The following CWF19L2 variants were observed in gnomAD, a reference collection of about 807,000 sequenced individuals.
The protein encoded by CWF19L2 is CWF19 like cell cycle control factor 2.
In CWF19L2, 98 loss-of-function variants were observed where a neutral mutation model predicts 111.7. The ratio of observed to expected loss-of-function variants is 0.88; its 90% CI spans 0.75 to 1.04. The LOEUF (loss-of-function observed/expected upper bound fraction) is 1.04. Among genes scored for constraint, CWF19L2 ranks in the 50% least tolerant of loss-of-function variants. The pLI is 0.00. For synonymous variants in CWF19L2, 351 were observed against 342.9 expected (o/e 1.02, Z -0.26); for missense variants, 1,101 against 1,051.4 (o/e 1.05, Z -0.65).
intron 10 of CWF19L2, among the ~76,000 whole-genome samples, chr11:107,413,170 T>G (rs1333472660): frequency 6.6e-6 from 1 of 152,100 alleles, no homozygotes; most frequent in Non-Finnish European, 1.5e-5. Context: ...TTGTAACAAA[T>G]GTACTCCTCT....
At chr11:107,406,712 A>G (rs1316644665) in intron 10 of CWF19L2, among the ~76,000 whole-genome samples, 1 of 149,468 alleles carries the variant, frequency 6.7e-6, no homozygotes, top group South Asian at 2.1e-4. Context: ...TGGCCTTCTT[A>G]GAGGCTATTA....
intron 13 of CWF19L2, among the ~76,000 whole-genome samples, chr11:107,352,781 C>G (rs1860175220): frequency 6.6e-6 from 1 of 152,108 alleles, no homozygotes; most frequent in Non-Finnish European, 1.5e-5. Context: ...ATATTAAAGA[C>G]TAGGGGTATG....
At position 107,454,442 on chromosome 11, in the gene CWF19L2, ATACT is replaced by A. The variant is rs1484473790; in HGVS notation, c.339+4_339+7del. 5 of 1,403,634 alleles carry A rather than the reference ATACT, an allele frequency of 3.6e-6. No homozygotes were observed. Among genetic ancestry groups the A allele is most frequent in the African/African-American group, 3.0e-5 (2 of 67,382 alleles). 86.9% of individuals were successfully genotyped at this position (1,403,634 alleles called of 1,614,324 possible). ...TAGCTGCTTTGATTAATTTTAGTAC[ATACT>A]TACTGATGAGCTATCAGATGACTCA... On this transcript the variant is annotated splice_donor_5th_base_variant and intron_variant, in intron 3 of 17. Coordinates refer to ENST00000282251, the MANE Select transcript of CWF19L2 (RefSeq NM_152434.3).
intron 10 of CWF19L2, among the ~76,000 whole-genome samples, chr11:107,410,845 AAGAT>A (rs1861146331): frequency 6.6e-6 from 1 of 152,168 alleles, no homozygotes; most frequent in African/African-American, 2.4e-5. Flanking sequence ...TTGCTTGCCT[AAGAT>A]ACTTTGAAAA....
At chr11:107,380,003 T>C (rs1211222887) in intron 12 of CWF19L2, among the ~76,000 whole-genome samples, 1 of 117,332 alleles carries the variant, frequency 8.5e-6, no homozygotes, top group East Asian at 2.9e-4. Flanking sequence ...GCTGAGATCG[T>C]ACCACTGCCC....
intron 12 of CWF19L2, among the ~76,000 whole-genome samples, 200 bp downstream of exon 12, chr11:107,389,874 A>T (rs1223104183): frequency 2.6e-5 from 4 of 152,240 alleles, no homozygotes; most frequent in Non-Finnish European, 4.4e-5. Context: ...GTCTATATTT[A>T]AAAACAAACA....
At chr11:107,345,947 A>T (rs543926858) in intron 14 of CWF19L2, among the ~76,000 whole-genome samples, 6 of 152,256 alleles carry the variant, frequency 3.9e-5, no homozygotes, top group African/African-American at 1.4e-4. Flanking sequence ...CTAGTAAAAA[A>T]ACACTTCATT....
chr11:107,436,159 G>A (rs11822475), intron 6 of CWF19L2, among the ~76,000 whole-genome samples: 5,403 of 129,050 alleles, frequency 0.042, 316 homozygotes, highest in African/African-American at 0.14. Flanking sequence ...CACGCCCCCC[G>A]ACCCAAAAAA....
chr11:107,427,446 A>G (rs1861394584), intron 8 of CWF19L2, among the ~76,000 whole-genome samples: 1 of 152,090 alleles, frequency 6.6e-6, no homozygotes, highest in Non-Finnish European at 1.5e-5. Flanking sequence ...CACAGCTTTT[A>G]GTGAGTGCCT....
At chr11:107,450,009 C>A (rs1311608936) in intron 3 of CWF19L2, among the ~76,000 whole-genome samples, 1 of 150,802 alleles carries the variant, frequency 6.6e-6, no homozygotes, top group African/African-American at 2.4e-5. Context: ...GATTAGAGAG[C>A]ACAAAAAACA....
intron 10 of CWF19L2, chr11:107,403,261 A>C (rs551984520): frequency 5.2e-6 from 2 of 383,520 alleles, no homozygotes; most frequent in South Asian, 3.2e-5. Flanking sequence ...ATTAAAAAAA[A>C]CTGTATTTAT....
chr11:107,441,449 G>A (rs11212239), intron 5 of CWF19L2, 54 bp downstream of exon 5: 48,947 of 1,404,096 alleles, frequency 0.035, 1,155 homozygotes, highest in East Asian at 0.14. Flanking sequence ...TAAATGTCTT[G>A]TAAGTTTATT....
rs1859771098 is a variant in CWF19L2 at position 107,326,992 on chromosome 11, C to A, written c.2603G>T (p.Ser868Ile). The A allele has an allele frequency of 6.2e-7, 1 of 1,612,284 alleles. No homozygotes were observed. Among genetic ancestry groups the A allele is most frequent in the East Asian group, 2.2e-5 (1 of 44,742 alleles). ...PRLWRKGIRE[S>I]FEDQRKKALQ... ...TGCTTTTTTCCTCTGATCCTCAAAG[C>A]TTTCTCGGATGCCTTTCCTCCAAAG... The change falls in exon 18 of 18, where the codon AGC becomes ATC. Residue 868 changes from serine to isoleucine, a missense_variant. Coordinates refer to ENST00000282251, the MANE Select transcript of CWF19L2 (RefSeq NM_152434.3).
At position 107,428,747 on chromosome 11, in the gene CWF19L2, T is replaced by C. The variant is rs1427420650; in HGVS notation, c.1433+52A>G. Reference sequence around the variant, plus strand: ...CTGATGTTCTAAAAATACAGTTCTGTTCTTTGAACTCTCTGGATCTTAACT... The same window carrying C: ...CTGATGTTCTAAAAATACAGTTCTGCTCTTTGAACTCTCTGGATCTTAACT... On this transcript the variant is annotated intron_variant, in intron 8 of 17. Coordinates refer to ENST00000282251, the MANE Select transcript of CWF19L2 (RefSeq NM_152434.3). The C allele has an allele frequency of 2.2e-6, 3 of 1,375,710 alleles. No homozygotes were observed. In the East Asian group the frequency reaches 6.9e-5, roughly 32 times the overall value. 85.2% of individuals were successfully genotyped at this position (1,375,710 alleles called of 1,614,324 possible). A position where few individuals can be genotyped will look rare whatever the true frequency, so the allele number is the denominator to read the frequency against.
chr11:107,439,317 T>C (rs1296086180), intron 5 of CWF19L2, 134 bp from the exon 6 acceptor site: 6 of 609,874 alleles, frequency 9.8e-6, no homozygotes, highest in Middle Eastern at 3.9e-4. Context: ...TAAGATATGC[T>C]GTTCTGTAAC....
Position 107,334,966 on chromosome 11 carries a change from G to A in CWF19L2, c.2359-5C>T, listed in dbSNP as rs1468313724. The A allele has an allele frequency of 6.4e-7, 1 of 1,568,530 alleles. No individual in the cohort carries two copies. The highest frequency in any genetic ancestry group is 8.8e-7 in the Non-Finnish European group (1 of 1,141,076). ...ATCAGATTCCATTATGGCTTTCTAA[G>A]AAATATCCATTTGTTAAGTGAAAAA... On this transcript the variant is annotated splice_region_variant and splice_polypyrimidine_tract_variant and intron_variant, in intron 15 of 17. Coordinates refer to ENST00000282251, the MANE Select transcript of CWF19L2 (RefSeq NM_152434.3).
intron 5 of CWF19L2, 141 bp downstream of exon 5, chr11:107,441,362 T>A: frequency 1.6e-6 from 1 of 639,376 alleles, no homozygotes. Context: ...ACTGATGTAT[T>A]TCATAGTTGT....
intron 12 of CWF19L2, among the ~76,000 whole-genome samples, chr11:107,387,281 T>C (rs908747817): frequency 1.3e-5 from 2 of 152,100 alleles, no homozygotes; most frequent in African/African-American, 4.8e-5. Flanking sequence ...TTTTCACCAG[T>C]TTTACCACTG....
intron 3 of CWF19L2, among the ~76,000 whole-genome samples, chr11:107,449,704 A>T (rs1012935247): frequency 4.6e-5 from 7 of 152,088 alleles, no homozygotes; most frequent in Admixed American, 3.9e-4. Context: ...AAAATAAATA[A>T]GGTATACCTA....
Sources: allele counts gnomAD v4.1 joint callset (sites outside exome capture counted in the v4.1 genomes callset), GRCh38; gene constraint gnomAD v4.1.1; transcripts MANE v1.5; gene names NCBI Gene and HGNC (gene_info 2026-07-23, HGNC 2026-07-21).